The following UBE3B variants were observed in gnomAD, a reference collection of about 807,000 sequenced individuals.
UBE3B encodes ubiquitin protein ligase E3B.
A neutral mutation model predicts 132.3 loss-of-function variants in UBE3B; 80 were observed. That is an observed-to-expected ratio of 0.60 (90% confidence interval 0.50 to 0.73). The LOEUF is 0.73. UBE3B is among the 30% of genes least tolerant of loss of function. UBE3B has a pLI of 0.00. For synonymous variants in UBE3B, 487 were observed against 520.4 expected, an observed-to-expected ratio of 0.94 and a Z score of 0.87; for missense variants, 1,196 against 1,362.5, an observed-to-expected ratio of 0.88 and a Z score of 1.92.
intron 24 of UBE3B, among the ~76,000 whole-genome samples, chr12:109,529,593 C>T (rs1882738785): frequency 6.6e-6 from 1 of 152,182 alleles, no homozygotes; most frequent in African/African-American, 2.4e-5. Flanking sequence ...TGGGGAATGT[C>T]TCCTTGTGAT....
chr12:109,483,545 T>G lies in UBE3B; in HGVS notation c.-7T>G. 2 of 1,555,054 alleles carry G rather than the reference T, an allele frequency of 1.3e-6. No homozygotes were observed. Among genetic ancestry groups the G allele is most frequent in the Non-Finnish European group, 1.7e-6 (2 of 1,154,856 alleles). ...TTTCCTTGCAGGGTTTGTGCAAGTT[T>G]GCAAACATGTTCACCCTGTCTCAGA... On this transcript the variant is annotated 5_prime_UTR_variant, in exon 3 of 28. Transcript: ENST00000342494.
At chr12:109,499,247 T>C (rs1878643145) in intron 11 of UBE3B, among the ~76,000 whole-genome samples, 1 of 152,214 alleles carries the variant, frequency 6.6e-6, no homozygotes, top group African/African-American at 2.4e-5. Context: ...TGTTAACCCT[T>C]GATTTTTAAG....
intron 9 of UBE3B, among the ~76,000 whole-genome samples, chr12:109,494,322 A>T (rs1344770870): frequency 6.6e-6 from 1 of 152,212 alleles, no homozygotes; most frequent in South Asian, 2.1e-4. Context: ...TAATATATAT[A>T]TTTTTTAGTA....
intron 8 of UBE3B, 74 bp from the exon 9 acceptor site, chr12:109,490,971 C>G: frequency 2.0e-6 from 3 of 1,504,008 alleles, no homozygotes; most frequent in Non-Finnish European, 2.7e-6. Flanking sequence ...ACTCAGTTTA[C>G]TTTTTTGCTC....
At chr12:109,484,431 G>T (rs372115497) in intron 4 of UBE3B, among the ~76,000 whole-genome samples, 1 of 152,022 alleles carries the variant, frequency 6.6e-6, no homozygotes, top group Non-Finnish European at 1.5e-5. Context: ...TCTCTCTGTC[G>T]CCAGGCTGGT....
At chr12:109,501,322 C>G in intron 12 of UBE3B, 49 bp from the exon 13 acceptor site, 1 of 1,609,324 alleles carries the variant, frequency 6.2e-7, no homozygotes, top group Non-Finnish European at 8.5e-7. Flanking sequence ...TGGCCCTGGC[C>G]CTGCATCAGA....
chr12:109,528,731 T>C (rs1286303550), intron 24 of UBE3B, among the ~76,000 whole-genome samples: 1 of 151,694 alleles, frequency 6.6e-6, no homozygotes, highest in African/African-American at 2.4e-5. Context: ...GCAGGCGCTG[T>C]AATGTCAGCT....
chr12:109,524,240 A>C, intron 22 of UBE3B, 125 bp downstream of exon 22: 1 of 1,435,374 alleles, frequency 7.0e-7, no homozygotes, highest in Non-Finnish European at 9.5e-7. Context: ...GGCCCCTCAC[A>C]TCCCCCTGTG....
intron 18 of UBE3B, among the ~76,000 whole-genome samples, chr12:109,512,687 A>T (rs934858913): frequency 2.0e-5 from 3 of 152,112 alleles, no homozygotes; most frequent in Non-Finnish European, 4.4e-5. Flanking sequence ...CTGCTGTCTG[A>T]TACTGTTCTG....
Position 109,483,856 on chromosome 12 carries a change from T to C in UBE3B, c.162-5T>C, listed in dbSNP as rs769489667. 6.2e-7 allele frequency: 1 copy of C among 1,606,818 alleles called. No homozygotes were observed. The highest frequency in any genetic ancestry group is 8.5e-7 in the Non-Finnish European group (1 of 1,176,504). On this transcript the variant is annotated splice_region_variant and splice_polypyrimidine_tract_variant and intron_variant, in intron 3 of 27. Coordinates refer to ENST00000342494, the MANE Select transcript of UBE3B (RefSeq NM_130466.4). ...AAATGTCTTTTTTTGCACTTTCTTT[T>C]CTAGGAGAGAGATTGATGACTTTTT...
rs565392269 is a variant in UBE3B at position 109,522,073 on chromosome 12, G to A, written c.2364+522G>A. Among the ~76,000 whole-genome samples, 182 of 152,310 alleles carry A rather than the reference G, an allele frequency of 1.2e-3. No individual in the cohort carries two copies. Among genetic ancestry groups the A allele is most frequent in the Middle Eastern group, 0.01 (3 of 294 alleles). Reference sequence around the variant, plus strand: ...CAGGACCAGCTGTTCCTAGTCAGCCGTGTGACCATGTGCCTTCAAGTTTCT... The same window carrying A: ...CAGGACCAGCTGTTCCTAGTCAGCCATGTGACCATGTGCCTTCAAGTTTCT... On this transcript the variant is annotated intron_variant, in intron 21 of 27. Transcript: ENST00000342494. The surrounding 1 kb of genome is among the most constrained non-coding windows in gnomAD (Gnocchi z 4.2).
chr12:109,530,629 A>G lies in UBE3B; in HGVS notation c.2893A>G (p.Thr965Ala). ...CTGGGATATTCTGGCCTCCGACTTC[A>G]CACCGGATGAGAGAGCTATGTTTCT... ...WLWDILASDF[T>A]PDERAMFLKF... Residue 965 changes from threonine to alanine, a missense_variant, in exon 26 of 28, where the codon ACA (threonine) becomes GCA (alanine). By Grantham distance (58) the Thr-to-Ala change is moderately conservative (BLOSUM62 0). Coordinates refer to ENST00000342494, the MANE Select transcript of UBE3B (RefSeq NM_130466.4). 6.2e-7 allele frequency: 1 copy of G among 1,614,218 alleles called. No homozygotes were observed. Among genetic ancestry groups the G allele is most frequent in the Non-Finnish European group, 8.5e-7 (1 of 1,180,032 alleles).
intron 15 of UBE3B, chr12:109,508,777 T>C (rs1879992440): frequency 1.0e-6 from 1 of 978,604 alleles, no homozygotes; most frequent in African/African-American, 1.7e-5. Context: ...AATGTTCAGA[T>C]AGAGCTGTGT....
intron 23 of UBE3B, among the ~76,000 whole-genome samples, chr12:109,525,918 C>G (rs1298364024): frequency 1.3e-5 from 2 of 152,166 alleles, no homozygotes; most frequent in African/African-American, 2.4e-5. Context: ...GACTCTTTCC[C>G]GAGTCTCCCT....
At chr12:109,533,296 G>A (rs941212290) in intron 26 of UBE3B, among the ~76,000 whole-genome samples, 170 bp from the exon 27 acceptor site, 4 of 152,070 alleles carry the variant, frequency 2.6e-5, no homozygotes, top group Admixed American at 6.5e-5. Flanking sequence ...AGAGATGTAC[G>A]GCGTGTGCCA....
chr12:109,499,697 G>A lies in UBE3B; in HGVS notation c.1005G>A (p.Val335=). 6.2e-7 allele frequency: 1 copy of A among 1,613,504 alleles called. No individual in the cohort carries two copies. Among genetic ancestry groups the A allele is most frequent in the Non-Finnish European group, 8.5e-7 (1 of 1,179,662 alleles). ...RVLEEETDGF[V]SLLTQTLCYC... ...TAGAGGAGGAGACAGATGGGTTCGTGAGTTTGCTCACCCAGACGCTGTGCT... is the reference window on the plus strand; with the variant it reads ...TAGAGGAGGAGACAGATGGGTTCGTAAGTTTGCTCACCCAGACGCTGTGCT... The change falls in exon 12 of 28, where the codon GTG becomes GTA. Residue 335 remains valine (V), a synonymous_variant. Transcript: ENST00000342494.
chr12:109,502,905 C>T (rs1464260063), intron 13 of UBE3B, 118 bp from the exon 14 acceptor site: 2 of 1,228,242 alleles, frequency 1.6e-6, no homozygotes, highest in Non-Finnish European at 1.2e-6. Context: ...GAGTGAGTTG[C>T]CCCACTGTCT....
At chr12:109,526,833 C>G (rs1380696576) in intron 24 of UBE3B, among the ~76,000 whole-genome samples, 1 of 150,742 alleles carries the variant, frequency 6.6e-6, no homozygotes, top group East Asian at 1.9e-4. Context: ...ATCGCACCAG[C>G]GCACTCCAGC....
In UBE3B at chr12:109,534,448, T is replaced by C. The variant is rs1883263758; in HGVS notation, c.3016-143T>C. 2 of 1,433,546 alleles carry C rather than the reference T, an allele frequency of 1.4e-6. No individual in the cohort carries two copies. The highest frequency in any genetic ancestry group is 9.1e-7 in the Non-Finnish European group (1 of 1,096,144). 88.8% of individuals were successfully genotyped at this position (1,433,546 alleles called of 1,614,324 possible). A position where few individuals can be genotyped will look rare whatever the true frequency, so the allele number is the denominator to read the frequency against. ...CTTGTGTCTGGGGCTTGACCTCGGGTAGTGGTGCCAGGGCAGCGCCCTGCA... is the reference window on the plus strand; with the variant it reads ...CTTGTGTCTGGGGCTTGACCTCGGGCAGTGGTGCCAGGGCAGCGCCCTGCA... On this transcript the variant is annotated intron_variant, in intron 27 of 27. Coordinates refer to ENST00000342494, the MANE Select transcript of UBE3B (RefSeq NM_130466.4). The surrounding 1 kb of genome is among the most constrained non-coding windows in gnomAD (Gnocchi z 5.2).
Sources: gnomAD v4.1 joint callset for allele counts (sites outside exome capture counted in the v4.1 genomes callset) on GRCh38, gnomAD v4.1.1 for gene constraint, Gnocchi (gnomAD v3.1) non-coding constraint, MANE v1.5 for transcripts, NCBI Gene and HGNC (gene_info 2026-07-23, HGNC 2026-07-21) for gene names.